SPMIP4: variants seen among roughly 807,000 people sequenced by gnomAD.
The protein encoded by SPMIP4 is sperm microtubule inner protein 4.
At chr7:25,168,435 T>C in the SPMIP4 span, 2 of 1,602,818 alleles carry the variant, frequency 1.2e-6, no homozygotes, top group Non-Finnish European at 8.5e-7. Flanking sequence ...GAAGCCTACA[T>C]TGTTGAAGTG....
At chr7:25,151,507 G>A in the SPMIP4 span, 2 of 793,288 alleles carry the variant, frequency 2.5e-6, no homozygotes, top group Non-Finnish European at 4.1e-6. Flanking sequence ...ATGGGCATGT[G>A]CCACCATGTC....
the SPMIP4 span, among the ~76,000 whole-genome samples, chr7:25,166,147 C>A: frequency 2.0e-5 from 3 of 152,252 alleles, no homozygotes; most frequent in Admixed American, 2.0e-4. Context: ...GGCCACTATT[C>A]CTGGATGCCG....
At chr7:25,154,523 G>A in the SPMIP4 span, among the ~76,000 whole-genome samples, 1 of 152,162 alleles carries the variant, frequency 6.6e-6, no homozygotes, top group Non-Finnish European at 1.5e-5. Flanking sequence ...ACCTGCTCCA[G>A]GGTGTTAAGA....
chr7:25,131,666 TTC>T, the SPMIP4 span, among the ~76,000 whole-genome samples: 6 of 152,232 alleles, frequency 3.9e-5, no homozygotes, highest in Non-Finnish European at 7.3e-5. This position sits in a 1 kb window ranked among gnomAD's most constrained non-coding sequence, Gnocchi z 4.2. Flanking sequence ...AAGCCTCGTG[TTC>T]TCTGACCTGG....
chr7:25,127,081 T>C, the SPMIP4 span, among the ~76,000 whole-genome samples: 1 of 152,256 alleles, frequency 6.6e-6, no homozygotes, highest in Non-Finnish European at 1.5e-5. Flanking sequence ...TTATGTTATT[T>C]GTTTCTTTTC....
the SPMIP4 span, among the ~76,000 whole-genome samples, chr7:25,131,007 A>G: frequency 2.0e-5 from 3 of 152,240 alleles, no homozygotes; most frequent in Non-Finnish European, 4.4e-5. The surrounding 1 kb of genome is among the most constrained non-coding windows in gnomAD (Gnocchi z 4.2). Context: ...GGCCACATAG[A>G]AGGAGGTGAG....
At chr7:25,174,448 T>C in the SPMIP4 span, among the ~76,000 whole-genome samples, 1 of 152,230 alleles carries the variant, frequency 6.6e-6, no homozygotes, top group African/African-American at 2.4e-5. This position sits in a 1 kb window ranked among gnomAD's most constrained non-coding sequence, Gnocchi z 4.5. Flanking sequence ...GTATTTCATT[T>C]TAAAGTCACT....
chr7:25,143,671 A>G, the SPMIP4 span, among the ~76,000 whole-genome samples: 1 of 150,212 alleles, frequency 6.7e-6, no homozygotes, highest in African/African-American at 2.5e-5. Context: ...AGCTCACTGA[A>G]ACCTCCAACC....
the SPMIP4 span, chr7:25,136,638 G>T: frequency 6.2e-7 from 1 of 1,614,104 alleles, no homozygotes; most frequent in Non-Finnish European, 8.5e-7. This position sits in a 1 kb window ranked among gnomAD's most constrained non-coding sequence, Gnocchi z 5.7. Flanking sequence ...TGGGTACAAA[G>T]GTATGAAAAT....
the SPMIP4 span, among the ~76,000 whole-genome samples, chr7:25,163,880 C>T: frequency 5.3e-5 from 8 of 152,342 alleles, no homozygotes; most frequent in Admixed American, 5.2e-4. The surrounding 1 kb of genome is among the most constrained non-coding windows in gnomAD (Gnocchi z 4.4). Flanking sequence ...CTAAATGTCT[C>T]ATTCATTGCC....
At chr7:25,171,646 G>C in the SPMIP4 span, among the ~76,000 whole-genome samples, 3 of 152,190 alleles carry the variant, frequency 2.0e-5, no homozygotes, top group African/African-American at 4.8e-5. Context: ...GTGCTACATA[G>C]AGGGTAAATA....
chr7:25,140,539 T>C, the SPMIP4 span, among the ~76,000 whole-genome samples: 34 of 148,374 alleles, frequency 2.3e-4, no homozygotes, highest in Non-Finnish European at 4.2e-4. Context: ...TGACCTCAGG[T>C]GGTCCACCCG....
chr7:25,129,934 G>C, the SPMIP4 span, among the ~76,000 whole-genome samples: 7 of 151,974 alleles, frequency 4.6e-5, no homozygotes, highest in Non-Finnish European at 1.0e-4. Context: ...ACGGAAGCTA[G>C]GGTTTTTCAA....
At chr7:25,136,594 A>T in the SPMIP4 span, 1 of 1,614,194 alleles carries the variant, frequency 6.2e-7, no homozygotes, top group South Asian at 1.1e-5. The surrounding 1 kb of genome is among the most constrained non-coding windows in gnomAD (Gnocchi z 5.7). Context: ...ACCGGCTGGT[A>T]TGTTATCACT....
chr7:25,168,438 T>C, the SPMIP4 span: 11 of 1,600,904 alleles, frequency 6.9e-6, no homozygotes, highest in African/African-American at 2.7e-5. Context: ...GCCTACATTG[T>C]TGAAGTGACT....
the SPMIP4 span, among the ~76,000 whole-genome samples, chr7:25,163,120 T>TA: frequency 6.6e-6 from 1 of 152,204 alleles, no homozygotes; most frequent in African/African-American, 2.4e-5. The surrounding 1 kb of genome is among the most constrained non-coding windows in gnomAD (Gnocchi z 4.4). Flanking sequence ...AAGGATGCTT[T>TA]TTAAAGTACG....
At chr7:25,166,873 CAACAAG>C in the SPMIP4 span, among the ~76,000 whole-genome samples, 13 of 150,814 alleles carry the variant, frequency 8.6e-5, no homozygotes, top group Non-Finnish European at 1.6e-4. Context: ...CCAGCCTGGT[CAACAAG>C]AGTGAAACTC....
the SPMIP4 span, chr7:25,142,909 C>A: frequency 1.1e-6 from 1 of 902,190 alleles, no homozygotes; most frequent in Non-Finnish European, 1.6e-6. Context: ...AAGGAAATTC[C>A]AGGCTGACGT....
chr7:25,127,841 G>A, the SPMIP4 span, among the ~76,000 whole-genome samples: 1 of 152,156 alleles, frequency 6.6e-6, no homozygotes, highest in Admixed American at 6.5e-5. Context: ...CCCTTCTTGG[G>A]ATGGCTTTCC....
Sources: allele counts gnomAD v4.1 joint callset (sites outside exome capture counted in the v4.1 genomes callset), GRCh38; gene constraint gnomAD v4.1.1; non-coding constraint Gnocchi (gnomAD v3.1); transcripts MANE v1.5; gene names NCBI Gene and HGNC (gene_info 2026-07-23, HGNC 2026-07-21).